OTOGL: variants seen among roughly 807,000 people sequenced by gnomAD.
OTOGL encodes otogelin-like protein.
A neutral mutation model predicts 318.5 loss-of-function variants in OTOGL; 285 were observed. The observed-to-expected ratio is 0.89, with a 90% CI of 0.81 to 0.99. The LOEUF (loss-of-function observed/expected upper bound fraction) is 0.99. Ranked by LOEUF, OTOGL falls within the 50% of genes least tolerant of loss-of-function variation. The pLI, the probability that OTOGL is intolerant of heterozygous loss-of-function variation, is 0.00. For missense variants in OTOGL, 2,899 were observed against 2,845.6 expected (o/e 1.02, Z -0.43); for synonymous variants, 987 against 936.5 (o/e 1.05, Z -0.99).
intron 1 of OTOGL, among the ~76,000 whole-genome samples, chr12:80,171,006 C>G (rs1311927227): frequency 6.6e-6 from 1 of 152,074 alleles, no homozygotes; most frequent in African/African-American, 2.4e-5. Flanking sequence ...AGTTTCACAT[C>G]TTACATTTAG....
At chr12:80,286,639 A>G (rs1280003253) in intron 26 of OTOGL, among the ~76,000 whole-genome samples, 2 of 152,166 alleles carry the variant, frequency 1.3e-5, no homozygotes, top group Non-Finnish European at 2.9e-5. Flanking sequence ...CATTTATTCT[A>G]GATTTTCTAG....
chr12:80,333,285 CA>C (rs1426480881), intron 38 of OTOGL, among the ~76,000 whole-genome samples: 1 of 150,930 alleles, frequency 6.6e-6, no homozygotes, highest in Non-Finnish European at 1.5e-5. Flanking sequence ...CTAAGAAAAA[CA>C]AAATTGAAAT....
In OTOGL at chr12:80,210,856, G is replaced by C. The variant is rs766683073; in HGVS notation, c.89G>C (p.Cys30Ser). The C allele has an allele frequency of 2.7e-6, 4 of 1,471,094 alleles. No homozygotes were observed. The South Asian group carries it at 5.3e-5, about 19-fold the overall frequency. 91.1% of individuals were successfully genotyped at this position (1,471,094 alleles called of 1,614,324 possible). Reference sequence around the variant, plus strand: ...TATTTGTCTCTGGCAGAATATATTTGTGCATCGTCTATATTGATGGGAACA... The same window carrying C: ...TATTTGTCTCTGGCAGAATATATTTCTGCATCGTCTATATTGATGGGAACA... ...VLLFSLQEYICASSILMGTSK... is the reference protein window; with the variant it reads ...VLLFSLQEYISASSILMGTSK... Residue 30 changes from cysteine (C) to serine (S), a missense_variant, in exon 3 of 59, where the codon TGT becomes TCT. Coordinates refer to ENST00000547103, the MANE Select transcript of OTOGL (RefSeq NM_001378609.3).
chr12:80,339,056 T>C lies in OTOGL; in HGVS notation c.4861-19T>C, dbSNP rs377343504. 1.6e-3 allele frequency: 2,390 copies of C among 1,540,328 alleles called. 52 individuals carry two copies. The South Asian group carries it at 0.026, about 17-fold the overall frequency. On this transcript the variant is annotated intron_variant, in intron 42 of 58. Coordinates refer to ENST00000547103, the MANE Select transcript of OTOGL (RefSeq NM_001378609.3). ...ATTTAAGTAAATATTTCTTAACAGG[T>C]GTATTTATGTTATTCTAGGTAGAAG...
intron 52 of OTOGL, among the ~76,000 whole-genome samples, chr12:80,360,155 AAATT>A (rs1451937082): frequency 6.6e-6 from 1 of 152,202 alleles, no homozygotes; most frequent in Non-Finnish European, 1.5e-5. Context: ...GGCAGTAAAT[AAATT>A]AATATAATTT....
chr12:80,271,749 G>C lies in OTOGL; in HGVS notation c.2620G>C (p.Ala874Pro). 1 of 1,613,212 alleles carries C rather than the reference G, an allele frequency of 6.2e-7. No individual in the cohort carries two copies. Among genetic ancestry groups the C allele is most frequent in the Non-Finnish European group, 8.5e-7 (1 of 1,179,478 alleles). ...TTGTGAGACTACATGTGCAAACCTA[G>C]CCATGAACTTCACCTGCACCCCATC... ...VNCETTCANLAMNFTCTPSSP... is the reference protein window; with the variant it reads ...VNCETTCANLPMNFTCTPSSP... The change falls in exon 24 of 59, where the codon GCC becomes CCC. Residue 874 changes from alanine to proline, a missense_variant. Ala to Pro is a conservative substitution (Grantham distance 27). This residue lies in a region of OTOGL where 2,607 missense variants were observed against 2,524.9 expected (regional missense o/e 1.03). Transcript: ENST00000547103.
chr12:80,291,612 T>C (rs900989444), intron 26 of OTOGL, among the ~76,000 whole-genome samples: 1 of 152,224 alleles, frequency 6.6e-6, no homozygotes, highest in Admixed American at 6.5e-5. Context: ...AGGAATTGCA[T>C]AAACAAGGTG....
intron 13 of OTOGL, among the ~76,000 whole-genome samples, chr12:80,252,829 G>A (rs559260285): frequency 3.3e-5 from 5 of 152,218 alleles, no homozygotes; most frequent in Non-Finnish European, 7.4e-5. Flanking sequence ...AAAGTATGGC[G>A]GACCAGTGCT....
chr12:80,182,834 T>C (rs1450805806), intron 1 of OTOGL, among the ~76,000 whole-genome samples: 3 of 152,194 alleles, frequency 2.0e-5, no homozygotes, highest in East Asian at 1.9e-4. Flanking sequence ...TTGTACTTTA[T>C]TGAAGGAAAA....
At chr12:80,293,956 A>G (rs781344310) in intron 26 of OTOGL, among the ~76,000 whole-genome samples, 2 of 152,126 alleles carry the variant, frequency 1.3e-5, no homozygotes, top group Admixed American at 6.5e-5. Context: ...TGAGACTGAC[A>G]TGTAAAGTAT....
At chr12:80,118,092 G>C (rs1870271942) in intron 1 of OTOGL, among the ~76,000 whole-genome samples, 1 of 152,116 alleles carries the variant, frequency 6.6e-6, no homozygotes. Flanking sequence ...TTCCCTTAAA[G>C]AGGTGGGGGA....
At chr12:80,358,997 A>C (rs879016114) in intron 52 of OTOGL, 97 bp downstream of exon 52, 1 of 1,010,494 alleles carries the variant, frequency 9.9e-7, no homozygotes, top group Non-Finnish European at 1.4e-6. Flanking sequence ...AGAGTTAATA[A>C]AATTACCCAC....
chr12:80,251,717 C>T lies in OTOGL; in HGVS notation c.1077C>T (p.Cys359=), dbSNP rs876657559. 16 of 1,591,452 alleles carry T rather than the reference C, an allele frequency of 1.0e-5. No homozygotes were observed. The highest frequency in any genetic ancestry group is 1.4e-5 in the Non-Finnish European group (16 of 1,167,980). ...LCKTDDDETY[C]RAATEYARAC... Reference sequence around the variant, plus strand: ...GAACTGATGATGATGAAACCTATTGCCGAGCAGCCACTGAGTATGCTAGAG... The same window carrying T: ...GAACTGATGATGATGAAACCTATTGTCGAGCAGCCACTGAGTATGCTAGAG... Residue 359 remains cysteine, a synonymous_variant, in exon 12 of 59, where the codon TGC becomes TGT. Transcript: ENST00000547103.
At chr12:80,292,349 G>A (rs1279496339) in intron 26 of OTOGL, among the ~76,000 whole-genome samples, 1 of 152,208 alleles carries the variant, frequency 6.6e-6, no homozygotes, top group African/African-American at 2.4e-5. Flanking sequence ...AAACAAACAA[G>A]TCATAAGAAA....
At chr12:80,105,909 C>T (rs1270595575) in intron 1 of OTOGL, among the ~76,000 whole-genome samples, 1 of 152,158 alleles carries the variant, frequency 6.6e-6, no homozygotes, top group Non-Finnish European at 1.5e-5. Flanking sequence ...CCAACAGATA[C>T]TGGGAAAAAA....
intron 19 of OTOGL, among the ~76,000 whole-genome samples, chr12:80,263,005 A>ATAT (rs1303806122): frequency 2.0e-5 from 3 of 152,188 alleles, no homozygotes; most frequent in African/African-American, 7.2e-5. Context: ...GTTGATTGCC[A>ATAT]TATTGTTTTT....
chr12:80,270,397 C>A (rs911927547), intron 23 of OTOGL, among the ~76,000 whole-genome samples: 1 of 152,108 alleles, frequency 6.6e-6, no homozygotes, highest in African/African-American at 2.4e-5. Flanking sequence ...CCCAGGGATG[C>A]TGCCTAGATG....
intron 49 of OTOGL, 147 bp from the exon 50 acceptor site, chr12:80,358,101 T>TA: frequency 1.6e-6 from 1 of 635,220 alleles, no homozygotes; most frequent in Non-Finnish European, 2.8e-6. Context: ...TTATTGTTTT[T>TA]ATGGCCAAAT....
chr12:80,107,608 C>T (rs1214397383), intron 1 of OTOGL, among the ~76,000 whole-genome samples: 4 of 151,938 alleles, frequency 2.6e-5, no homozygotes, highest in Non-Finnish European at 4.4e-5. Flanking sequence ...GGTATACACC[C>T]GAAAGAATAT....
Sources: gnomAD v4.1 joint callset for allele counts (sites outside exome capture counted in the v4.1 genomes callset) on GRCh38, gnomAD v4.1.1 for gene constraint, gnomAD v4.1.1 regional missense constraint, MANE v1.5 for transcripts, NCBI Gene and HGNC (gene_info 2026-07-23, HGNC 2026-07-21) for gene names.